EYA3: variants seen among roughly 807,000 people sequenced by gnomAD.
EYA3 encodes protein phosphatase EYA3.
In EYA3, 39 loss-of-function variants were observed where a neutral mutation model predicts 80.0. That is an observed-to-expected ratio of 0.49 (90% CI 0.38 to 0.64). The LOEUF is 0.64. EYA3 is among the 30% of genes least tolerant of loss of function. The probability of loss-of-function intolerance (pLI) is 0.00; values close to 1 mark genes in which losing one functional copy is unlikely to be tolerated. For synonymous variants in EYA3, 206 were observed against 232.8 expected, an observed-to-expected ratio of 0.88 and a Z score of 1.05; for missense variants, 523 against 676.1, an observed-to-expected ratio of 0.77 and a Z score of 2.51.
intron 1 of EYA3, among the ~76,000 whole-genome samples, chr1:28,066,790 G>T (rs1284418197): frequency 6.6e-6 from 1 of 151,976 alleles, no homozygotes; most frequent in Admixed American, 6.6e-5. Flanking sequence ...ATAAAACAAT[G>T]TTTATAATAT....
intron 9 of EYA3, 83 bp from the exon 10 acceptor site, chr1:28,011,169 G>A: frequency 7.1e-7 from 1 of 1,399,884 alleles, no homozygotes; most frequent in Middle Eastern, 1.8e-4. Context: ...TGGACTCTCT[G>A]CCCTTGTGAG....
intron 10 of EYA3, among the ~76,000 whole-genome samples, chr1:28,006,706 CAAAAAATAAAT>C (rs930568220): frequency 1.2e-4 from 18 of 151,510 alleles, no homozygotes; most frequent in Non-Finnish European, 2.1e-4. Context: ...ACTCCATCTC[CAAAAAATAAAT>C]AAAAAATAAA....
At chr1:27,977,265 C>G in intron 17 of EYA3, 1 of 1,542,582 alleles carries the variant, frequency 6.5e-7, no homozygotes, top group Non-Finnish European at 8.7e-7. Flanking sequence ...GATAATAATG[C>G]CAACTGATTA....
intron 1 of EYA3, among the ~76,000 whole-genome samples, chr1:28,061,080 C>A (rs188820833): frequency 3.3e-4 from 50 of 152,210 alleles, no homozygotes; most frequent in Admixed American, 1.6e-3. Flanking sequence ...TCAATGACCA[C>A]GAATAATTTT....
At chr1:28,010,920 G>A in intron 10 of EYA3, 27 bp downstream of exon 10, 1 of 1,602,192 alleles carries the variant, frequency 6.2e-7, no homozygotes, top group South Asian at 1.1e-5. Flanking sequence ...GAACAAAGTA[G>A]GTAACTAAAT....
chr1:28,006,934 C>CTTTTTT (rs58401673), intron 10 of EYA3, among the ~76,000 whole-genome samples: 29 of 91,996 alleles, frequency 3.2e-4, no homozygotes, highest in Non-Finnish European at 4.6e-4. Flanking sequence ...ATGACATAAT[C>CTTTTTT]TTTTTTTTTT....
intron 3 of EYA3, among the ~76,000 whole-genome samples, chr1:28,043,528 T>G (rs1244432909): frequency 6.6e-6 from 1 of 152,128 alleles, no homozygotes; most frequent in Admixed American, 6.6e-5. Flanking sequence ...CATAATCATA[T>G]GAGAAGTGTT....
intron 1 of EYA3, among the ~76,000 whole-genome samples, chr1:28,079,132 A>G (rs1645330649): frequency 6.6e-6 from 1 of 152,214 alleles, no homozygotes; most frequent in South Asian, 2.1e-4. Context: ...AGTGCTTTAA[A>G]TAGTGCCTGG....
Position 27,974,261 on chromosome 1 carries a change from G to GAC in EYA3, c.*204_*205insGT. Reference sequence around the variant, plus strand: ...CGCCAGCATTCCATGGATAAAGACAGAGAGAGAGAGAGAGAGAGAGGCAGA... The same window carrying GAC: ...CGCCAGCATTCCATGGATAAAGACAGACAGAGAGAGAGAGAGAGAGAGGCAGA... On this transcript the variant is annotated 3_prime_UTR_variant, in exon 18 of 18. Transcript: ENST00000373871. 1 of 158,668 alleles carries GAC rather than the reference G, an allele frequency of 6.3e-6. No individual in the cohort carries two copies. The highest frequency in any genetic ancestry group is 1.3e-5 in the Non-Finnish European group (1 of 75,198). 9.8% of individuals were successfully genotyped at this position (158,668 alleles called of 1,614,324 possible). A position where few individuals can be genotyped will look rare whatever the true frequency, so the allele number is the denominator to read the frequency against.
chr1:28,002,296 G>A (rs1207074249), intron 11 of EYA3, among the ~76,000 whole-genome samples: 5 of 151,758 alleles, frequency 3.3e-5, no homozygotes, highest in Admixed American at 2.0e-4. Flanking sequence ...TGATCCACCC[G>A]CCTTGGCCTC....
At chr1:28,010,882 A>C in intron 10 of EYA3, 65 bp downstream of exon 10, 6 of 1,552,926 alleles carry the variant, frequency 3.9e-6, no homozygotes, top group Non-Finnish European at 5.2e-6. Flanking sequence ...CTTCAAAAAC[A>C]TGTTTGATAA....
chr1:28,010,622 C>T lies in EYA3; in HGVS notation c.909+325G>A, dbSNP rs191615056. On this transcript the variant is annotated intron_variant, in intron 10 of 17. Transcript: ENST00000373871. ...CTGGTCTCAAGCGATCCTCCCGCTT[C>T]AGCCTCCCAAAGTGCTGGGATTACA... Among the ~76,000 whole-genome samples, 11 of 152,280 alleles carry T rather than the reference C, an allele frequency of 7.2e-5. No individual in the cohort carries two copies. The East Asian group carries it at 2.1e-3, about 29-fold the overall frequency.
At chr1:28,065,710 T>C (rs1165151467) in intron 1 of EYA3, among the ~76,000 whole-genome samples, 2 of 150,892 alleles carry the variant, frequency 1.3e-5, no homozygotes, top group African/African-American at 4.9e-5. Context: ...TTAAGTAAAA[T>C]AAGAGTTACT....
At chr1:28,077,061 T>C (rs1241977821) in intron 1 of EYA3, among the ~76,000 whole-genome samples, 1 of 150,822 alleles carries the variant, frequency 6.6e-6, no homozygotes, top group Non-Finnish European at 1.5e-5. Context: ...ATTTCTAATA[T>C]TACTTAACAA....
intron 16 of EYA3, among the ~76,000 whole-genome samples, chr1:27,986,364 T>C (rs992275887): frequency 6.8e-6 from 1 of 147,020 alleles, no homozygotes; most frequent in Admixed American, 6.7e-5. Context: ...AAACTCCAAC[T>C]CAAAAAAAAG....
chr1:28,030,713 G>GC (rs1309780745), intron 6 of EYA3, among the ~76,000 whole-genome samples: 1 of 152,180 alleles, frequency 6.6e-6, no homozygotes, highest in East Asian at 1.9e-4. Flanking sequence ...AGAAGCGTTT[G>GC]CCCCATCATA....
chr1:28,019,831 G>C (rs1642311297), intron 7 of EYA3, among the ~76,000 whole-genome samples: 1 of 151,980 alleles, frequency 6.6e-6, no homozygotes, highest in African/African-American at 2.4e-5. Context: ...TTCCCAGGTA[G>C]CTGAGATTAC....
intron 4 of EYA3, among the ~76,000 whole-genome samples, chr1:28,040,427 T>TA (rs1643709041): frequency 6.6e-6 from 1 of 152,188 alleles, no homozygotes; most frequent in African/African-American, 2.4e-5. Flanking sequence ...GGCAGTCTGA[T>TA]ACACAAATGA....
chr1:28,022,901 G>A (rs1308181558), intron 7 of EYA3, among the ~76,000 whole-genome samples: 1 of 152,096 alleles, frequency 6.6e-6, no homozygotes, highest in Non-Finnish European at 1.5e-5. Flanking sequence ...ATTTTTTGTA[G>A]AGATGGGGTT....
Sources: gnomAD v4.1 joint callset for allele counts (sites outside exome capture counted in the v4.1 genomes callset) on GRCh38, gnomAD v4.1.1 for gene constraint, MANE v1.5 for transcripts, NCBI Gene and HGNC (gene_info 2026-07-23, HGNC 2026-07-21) for gene names.